Variants in CABLES1 observed in about 807,000 individuals in gnomAD.
CABLES1 encodes Cdk5 and Abl enzyme substrate 1, also known as CDK5 and ABL1 enzyme substrate 1.
A neutral mutation model predicts 57.8 loss-of-function variants in CABLES1; 36 were observed. The observed-to-expected ratio is 0.62, with a 90% CI of 0.48 to 0.82. The LOEUF is 0.82. Ranked by LOEUF, CABLES1 falls within the 40% of genes least tolerant of loss-of-function variation. The probability of loss-of-function intolerance (pLI) is 0.00; values close to 1 mark genes in which losing one functional copy is unlikely to be tolerated. For missense variants in CABLES1, 767 were observed against 836.6 expected, an observed-to-expected ratio of 0.92 and a Z score of 1.03; for synonymous variants, 374 against 363.0, an observed-to-expected ratio of 1.03 and a Z score of -0.35.
In CABLES1 at chr18:23,157,026, T is replaced by C. The variant is rs1268584338; in HGVS notation, c.845+20419T>C. 2.0e-5 allele frequency among the ~76,000 whole-genome samples: 3 copies of C among 152,178 alleles called. No individual in the cohort carries two copies. In the East Asian group the frequency reaches 5.8e-4, roughly 29 times the overall value. Reference sequence around the variant, plus strand: ...GGGTGACTCAAATTTTTTGCCACTTTGTACACACTCATGTCAGCGAAATAA... The same window carrying C: ...GGGTGACTCAAATTTTTTGCCACTTCGTACACACTCATGTCAGCGAAATAA... On this transcript the variant is annotated intron_variant, in intron 1 of 9. Coordinates refer to ENST00000256925, the MANE Select transcript of CABLES1 (RefSeq NM_001100619.3).
chr18:23,154,406 C>T (rs1310309441), intron 1 of CABLES1, among the ~76,000 whole-genome samples: 2 of 152,192 alleles, frequency 1.3e-5, no homozygotes, highest in African/African-American at 4.8e-5. Context: ...TTAACTTGAT[C>T]ATCTACCGAG....
At position 23,185,412 on chromosome 18, in the gene CABLES1, C is replaced by T. The variant is rs11872342; in HGVS notation, c.846-3426C>T. On this transcript the variant is annotated intron_variant, in intron 1 of 9. Transcript: ENST00000256925. ...CTGGTGGCCGTCCCATGGATCCCCACGTGACTCTCAGCCCCTGAGGACAGG... is the reference window on the plus strand; with the variant it reads ...CTGGTGGCCGTCCCATGGATCCCCATGTGACTCTCAGCCCCTGAGGACAGG... Among the ~76,000 whole-genome samples, 456 of 152,280 alleles carry T rather than the reference C, an allele frequency of 3.0e-3. 1 individual carries two copies. The highest frequency in any genetic ancestry group is 0.01 in the African/African-American group (426 of 41,560).
intron 3 of CABLES1, among the ~76,000 whole-genome samples, chr18:23,202,329 C>A (rs987146914): frequency 2.6e-5 from 4 of 152,208 alleles, no homozygotes; most frequent in African/African-American, 9.6e-5. Context: ...AACTCAAGAT[C>A]TTTTTGAAAA....
chr18:23,243,468 GTTT>G (rs551293348), intron 7 of CABLES1, among the ~76,000 whole-genome samples: 1 of 101,876 alleles, frequency 9.8e-6, no homozygotes, highest in African/African-American at 3.6e-5. Flanking sequence ...TGGGTTTGGT[GTTT>G]TTTTTTTTTT....
chr18:23,188,633 A>T (rs1050384507), intron 1 of CABLES1, among the ~76,000 whole-genome samples: 4 of 152,098 alleles, frequency 2.6e-5, no homozygotes, highest in African/African-American at 9.7e-5. Flanking sequence ...AGGCCCTCTA[A>T]CCAGGGAGAA....
At chr18:23,167,601 T>A (rs1358165088) in intron 1 of CABLES1, among the ~76,000 whole-genome samples, 2 of 152,188 alleles carry the variant, frequency 1.3e-5, no homozygotes, top group African/African-American at 4.8e-5. Flanking sequence ...CAGCATTTAC[T>A]GTGCACCTAA....
intron 1 of CABLES1, among the ~76,000 whole-genome samples, chr18:23,146,848 A>T (rs2144955521): frequency 6.6e-6 from 1 of 152,320 alleles, no homozygotes; most frequent in Admixed American, 6.5e-5. Context: ...GTACCATTTT[A>T]AGAAAAACGT....
At chr18:23,247,999 C>T (rs760194371) in intron 7 of CABLES1, among the ~76,000 whole-genome samples, 21 of 152,232 alleles carry the variant, frequency 1.4e-4, no homozygotes, top group Non-Finnish European at 1.9e-4. Flanking sequence ...TGTCAGGAAA[C>T]GGAGTCCCCA....
rs142281834 is a variant in CABLES1 at position 23,202,858 on chromosome 18, G to A, written c.1010+8318G>A. On this transcript the variant is annotated intron_variant, in intron 3 of 9. Transcript: ENST00000256925. ...AAAAATTAGCCGGGCATGGTGGCGG[G>A]TGCCTGTAGTCCCAGTTACTCGGGA... Among the ~76,000 whole-genome samples, 1,121 of 152,194 alleles carry A rather than the reference G, an allele frequency of 7.4e-3. 13 individuals carry two copies. Among genetic ancestry groups the A allele is most frequent in the African/African-American group, 0.026 (1,079 of 41,512 alleles).
chr18:23,218,639 C>T (rs1438053510), intron 4 of CABLES1, among the ~76,000 whole-genome samples: 1 of 133,630 alleles, frequency 7.5e-6, no homozygotes, highest in African/African-American at 2.8e-5. Flanking sequence ...TGCCCTGCCT[C>T]CCGCATCCTC....
At chr18:23,246,532 C>G (rs1598869072) in intron 7 of CABLES1, among the ~76,000 whole-genome samples, 2 of 151,818 alleles carry the variant, frequency 1.3e-5, no homozygotes, top group East Asian at 2.0e-4. Flanking sequence ...GCTGGGACTA[C>G]AGGCACCCGC....
intron 1 of CABLES1, among the ~76,000 whole-genome samples, chr18:23,166,865 G>A (rs28589524): frequency 0.71 from 107,261 of 152,080 alleles, 39,154 homozygotes; most frequent in South Asian, 0.82. Context: ...AAGAGCAGAC[G>A]GAATTCCCAG....
chr18:23,161,781 G>T (rs2047006936), intron 1 of CABLES1, among the ~76,000 whole-genome samples: 1 of 148,448 alleles, frequency 6.7e-6, no homozygotes, highest in African/African-American at 2.5e-5. Flanking sequence ...AAAAAGCCAG[G>T]TGTGGTGGTG....
chr18:23,191,816 G>C (rs536692598), intron 2 of CABLES1, among the ~76,000 whole-genome samples: 1 of 149,746 alleles, frequency 6.7e-6, no homozygotes, highest in South Asian at 2.1e-4. Context: ...CAACCTGAGC[G>C]CCCGGTATTC....
chr18:23,232,363 G>T (rs1421386903), intron 4 of CABLES1, among the ~76,000 whole-genome samples: 1 of 152,202 alleles, frequency 6.6e-6, no homozygotes, highest in East Asian at 1.9e-4. Context: ...CTGAGCTGCT[G>T]GTCCTTGAAT....
chr18:23,241,685 C>A (rs914358062), intron 7 of CABLES1, among the ~76,000 whole-genome samples: 2 of 152,068 alleles, frequency 1.3e-5, no homozygotes, highest in East Asian at 3.9e-4. Context: ...GGGTAAATAC[C>A]TAGGAGTGGG....
intron 1 of CABLES1, among the ~76,000 whole-genome samples, chr18:23,162,299 A>G (rs1319380480): frequency 1.3e-5 from 2 of 152,370 alleles, no homozygotes; most frequent in East Asian, 3.9e-4. Context: ...AAGTTTTTCT[A>G]GTATAGAATA....
At chr18:23,210,757 T>C (rs1394422883) in intron 3 of CABLES1, among the ~76,000 whole-genome samples, 1 of 152,102 alleles carries the variant, frequency 6.6e-6, no homozygotes, top group Admixed American at 6.5e-5. Context: ...GAAACACGTA[T>C]GATGTGTTCT....
At chr18:23,236,926 A>T (rs140729063) in intron 6 of CABLES1, among the ~76,000 whole-genome samples, 1 of 152,260 alleles carries the variant, frequency 6.6e-6, no homozygotes, top group East Asian at 1.9e-4. Context: ...AAATGTCAGG[A>T]TGTTAACAAT....
Sources: gnomAD v4.1 joint callset for allele counts (sites outside exome capture counted in the v4.1 genomes callset) on GRCh38, gnomAD v4.1.1 for gene constraint, MANE v1.5 for transcripts, NCBI Gene and HGNC (gene_info 2026-07-23, HGNC 2026-07-21) for gene names.